Variants in ZNF66 observed in about 807,000 individuals in gnomAD.
The protein encoded by ZNF66 is putative zinc finger protein 66.
A neutral mutation model predicts 35.2 loss-of-function variants in ZNF66; 32 were observed. The observed-to-expected ratio is 0.91, with a 90% CI of 0.69 to 1.22. ZNF66 has a LOEUF of 1.22. Among genes scored for constraint, ZNF66 ranks in the 50% most tolerant of loss-of-function variants. ZNF66 has a pLI of 0.00. For synonymous variants in ZNF66, 231 were observed against 181.3 expected, an observed-to-expected ratio of 1.27 and a Z score of -2.20; for missense variants, 666 against 543.1, an observed-to-expected ratio of 1.23 and a Z score of -2.25.
chr19:20,797,446 T>G, intron 3 of ZNF66, among the ~76,000 whole-genome samples: 1 of 124,358 alleles, frequency 8.0e-6, no homozygotes, highest in Non-Finnish European at 1.8e-5. Context: ...GACCTCGTGA[T>G]CCGCCCGCCT....
intron 1 of ZNF66, chr19:20,784,995 T>C (rs66914933): frequency 0.093 from 14,196 of 152,610 alleles, 676 homozygotes; most frequent in African/African-American, 0.1. Context: ...AAACTTCTGA[T>C]GTTATCTCTA....
chr19:20,792,593 T>G lies in ZNF66; in HGVS notation c.85T>G (p.Tyr29Asp), dbSNP rs1971348672. 6.7e-7 allele frequency: 1 copy of G among 1,496,600 alleles called. No individual in the cohort carries two copies. The allele number at this position is 1,496,600 out of a possible 1,614,324, so 92.7% of individuals were successfully genotyped here. A position where few individuals can be genotyped will look rare whatever the true frequency, so the allele number is the denominator to read the frequency against. ...CCTGGACATGGCACAGCGGAATTTATATAGGGATGTGATGTTAGAGAACTA... is the reference window on the plus strand; with the variant it reads ...CCTGGACATGGCACAGCGGAATTTAGATAGGGATGTGATGTTAGAGAACTA... ...HCLDMAQRNL[Y>D]RDVMLENYRN... Residue 29 changes from tyrosine to aspartate, a missense_variant, in exon 2 of 4, where the codon TAT becomes GAT. Physicochemically the swap from Tyr to Asp is radical, Grantham distance 160 (BLOSUM62 -3). Coordinates refer to ENST00000344519, the MANE Select transcript of ZNF66 (RefSeq NM_001355197.2).
At position 20,806,665 on chromosome 19, in the gene ZNF66, C is replaced by A; in HGVS notation, c.1065C>A (p.Thr355=). ...ECGKGFKYSS[T]LTKHKIIHTG... ...GCAAAGGCTTTAAGTACTCCTCTAC[C>A]CTTACTAAACATAAAATAATCCATA... The change falls in exon 4 of 4, where the codon ACC becomes ACA. Residue 355 remains threonine, a synonymous_variant. Coordinates refer to ENST00000344519, the MANE Select transcript of ZNF66 (RefSeq NM_001355197.2). 3.3e-6 allele frequency: 5 copies of A among 1,511,238 alleles called. No individual in the cohort carries two copies. Among genetic ancestry groups the A allele is most frequent in the Non-Finnish European group, 4.6e-6 (5 of 1,089,154 alleles). The allele number at this position is 1,511,238 out of a possible 1,614,324, so 93.6% of individuals were successfully genotyped here.
chr19:20,792,630 T>C lies in ZNF66; in HGVS notation c.122T>C (p.Val41Ala). The C allele has an allele frequency of 7.0e-7, 1 of 1,422,078 alleles. No homozygotes were observed. Among genetic ancestry groups the C allele is most frequent in the Non-Finnish European group, 9.8e-7 (1 of 1,019,746 alleles). The allele number at this position is 1,422,078 out of a possible 1,614,324, so 88.1% of individuals were successfully genotyped here. The part of the protein sequence containing the change: ...DVMLENYRNL[V>A]FLGIVVSKPD... ...ATGTTAGAGAACTACAGAAACCTGG[T>C]CTTTCTTGGTGAGAAAAACTTTAAT... Residue 41 changes from valine (V) to alanine (A), a missense_variant, in exon 2 of 4, where the codon GTC (valine) becomes GCC (alanine). Coordinates refer to ENST00000344519, the MANE Select transcript of ZNF66 (RefSeq NM_001355197.2).
intron 1 of ZNF66, among the ~76,000 whole-genome samples, chr19:20,778,808 C>T (rs1971219386): frequency 6.7e-6 from 1 of 149,532 alleles, no homozygotes; most frequent in Admixed American, 6.7e-5. Flanking sequence ...AAAGTAAGAA[C>T]CTTAAAATTT....
intron 1 of ZNF66, 141 bp from the exon 2 acceptor site, chr19:20,792,371 T>C (rs1971345920): frequency 2.7e-6 from 2 of 747,642 alleles, no homozygotes; most frequent in Admixed American, 3.5e-5. Context: ...TATTTCTGTG[T>C]TGAAAATTAT....
At position 20,807,235 on chromosome 19, in the gene ZNF66, C is replaced by A; in HGVS notation, c.1635C>A (p.Ala545=). 1.6e-6 allele frequency: 1 copy of A among 639,712 alleles called. No individual in the cohort carries two copies. The allele number at this position is 639,712 out of a possible 1,614,324, so 39.6% of individuals were successfully genotyped here. The part of the protein sequence containing the change: ...KPHKCNKCGK[A]FISSSNLSRH... ...ACAAGTGCAATAAATGTGGCAAAGC[C>A]TTTATTTCATCCTCAAACCTTAGTA... Residue 545 remains alanine, a synonymous_variant, in exon 4 of 4, where the codon GCC becomes GCA. Coordinates refer to ENST00000344519, the MANE Select transcript of ZNF66 (RefSeq NM_001355197.2).
chr19:20,781,262 A>G (rs1971242913), intron 1 of ZNF66, among the ~76,000 whole-genome samples: 1 of 152,132 alleles, frequency 6.6e-6, no homozygotes. Flanking sequence ...GATTCGGGGT[A>G]CACGTGGGTT....
At position 20,804,039 on chromosome 19, in the gene ZNF66, G is replaced by A. The variant is rs532307390; in HGVS notation, c.227-1788G>A. 5.3e-4 allele frequency among the ~76,000 whole-genome samples: 80 copies of A among 151,518 alleles called. 1 individual carries two copies. Among genetic ancestry groups the A allele is most frequent in the African/African-American group, 1.9e-3 (79 of 41,342 alleles). ...TCTTATCTGTGATTTTTGAAATTTT[G>A]CTTATTATGTGTGTTTGTTATAAAT... On this transcript the variant is annotated intron_variant, in intron 3 of 3. Transcript: ENST00000344519.
chr19:20,806,407 C>T lies in ZNF66; in HGVS notation c.807C>T (p.Ser269=), dbSNP rs763204810. 3 of 1,564,478 alleles carry T rather than the reference C, an allele frequency of 1.9e-6. No homozygotes were observed. The highest frequency in any genetic ancestry group is 1.7e-4 in the Middle Eastern group (1 of 6,022). Residue 269 remains serine, a synonymous_variant, in exon 4 of 4, where the codon TCC becomes TCT. Coordinates refer to ENST00000344519, the MANE Select transcript of ZNF66 (RefSeq NM_001355197.2). ...AATGTGGCAAGGCCTTTAAGCGCTC[C>T]TCTATCCTTACTACACATAAGAGAA... The part of the protein sequence containing the change: ...CEECGKAFKR[S]SILTTHKRIH...
chr19:20,804,584 C>T (rs1039292503), intron 3 of ZNF66, among the ~76,000 whole-genome samples: 8 of 152,090 alleles, frequency 5.3e-5, no homozygotes, highest in African/African-American at 1.9e-4. Flanking sequence ...CTCTGTTGTC[C>T]AGGCTGTAGT....
intron 3 of ZNF66, among the ~76,000 whole-genome samples, chr19:20,795,598 C>A (rs988404118): frequency 6.6e-6 from 1 of 151,936 alleles, no homozygotes. Flanking sequence ...AACTCCTGAC[C>A]TCAGGCGATC....
Position 20,776,328 on chromosome 19 carries a change from A to G in ZNF66, c.-120A>G, listed in dbSNP as rs1451609193. 6 of 1,434,722 alleles carry G rather than the reference A, an allele frequency of 4.2e-6. No homozygotes were observed. The African/African-American group carries it at 7.0e-5, about 17-fold the overall frequency. 88.9% of individuals were successfully genotyped at this position (1,434,722 alleles called of 1,614,324 possible). ...TGTCTCTCCCTGCAGCTGGAGCTCCAGGTCGTCTGTTCACTGCTCTCTGTC... is the reference window on the plus strand; with the variant it reads ...TGTCTCTCCCTGCAGCTGGAGCTCCGGGTCGTCTGTTCACTGCTCTCTGTC... On this transcript the variant is annotated 5_prime_UTR_variant, in exon 1 of 4. Coordinates refer to ENST00000344519, the MANE Select transcript of ZNF66 (RefSeq NM_001355197.2).
Position 20,807,999 on chromosome 19 carries a change from T to C in ZNF66, c.*677T>C, listed in dbSNP as rs10427070. Among the ~76,000 whole-genome samples, 14,164 of 152,196 alleles carry C rather than the reference T, an allele frequency of 0.093. 672 individuals are homozygous for C. Among genetic ancestry groups the C allele is most frequent in the Middle Eastern group, 0.11 (33 of 294 alleles). On this transcript the variant is annotated 3_prime_UTR_variant, in exon 4 of 4. Transcript: ENST00000344519. ...ACAGATGGCACCTGGAAAATTGGGT[T>C]ACTCCCACCCTAATACTGCGCAATT...
At chr19:20,805,126 T>TGTGTGAGAGA (rs752355466) in intron 3 of ZNF66, among the ~76,000 whole-genome samples, 134 of 146,074 alleles carry the variant, frequency 9.2e-4, no homozygotes, top group African/African-American at 3.3e-3. Context: ...TGTGTGTGTG[T>TGTGTGAGAGA]GAGAGAGAGA....
chr19:20,809,028 G>A lies in ZNF66; in HGVS notation c.*1706G>A, dbSNP rs1367706816. On this transcript the variant is annotated 3_prime_UTR_variant, in exon 4 of 4. Transcript: ENST00000344519. ...CTGAAAGCCAAGGATCAAGAACTAC[G>A]TGAAGAATGCAGAAGCCTCAGGAGC... is the stretch of plus-strand genomic sequence containing the variant. 4.6e-5 allele frequency among the ~76,000 whole-genome samples: 7 copies of A among 152,164 alleles called. No homozygotes were observed. The highest frequency in any genetic ancestry group is 3.3e-4 in the Admixed American group (5 of 15,266).
At chr19:20,776,672 G>T (rs186944746) in intron 1 of ZNF66, among the ~76,000 whole-genome samples, 18 of 152,318 alleles carry the variant, frequency 1.2e-4, no homozygotes, top group African/African-American at 4.3e-4. Context: ...GCGCTCTGTG[G>T]GCAGCTCTGC....
At chr19:20,796,183 C>G (rs1971390453) in intron 3 of ZNF66, among the ~76,000 whole-genome samples, 1 of 151,934 alleles carries the variant, frequency 6.6e-6, no homozygotes, top group Non-Finnish European at 1.5e-5. Context: ...GCCATAATGC[C>G]TATTTCTCTC....
intron 3 of ZNF66, among the ~76,000 whole-genome samples, chr19:20,797,581 T>C (rs535207202): frequency 6.6e-6 from 1 of 151,612 alleles, no homozygotes; most frequent in Non-Finnish European, 1.5e-5. Context: ...TTTTTTTTTT[T>C]GGGATGGAGT....
Sources: allele counts gnomAD v4.1 joint callset (sites outside exome capture counted in the v4.1 genomes callset), GRCh38; gene constraint gnomAD v4.1.1; transcripts MANE v1.5; gene names NCBI Gene and HGNC (gene_info 2026-07-23, HGNC 2026-07-21).